The following TEKT5 variants were observed in gnomAD, a reference collection of about 807,000 sequenced individuals.
TEKT5 encodes the protein tektin 5, also known as tektin-5.
TEKT5 carries 52 observed loss-of-function variants against 48.7 expected under a neutral mutation model. The observed-to-expected ratio is 1.07, with a 90% CI of 0.86 to 1.35. The LOEUF (loss-of-function observed/expected upper bound fraction) is 1.35, where lower values mean the gene tolerates loss of function less well. TEKT5 is among the 40% of genes most tolerant of loss of function. The probability of loss-of-function intolerance (pLI) is 0.00; values close to 1 mark genes in which losing one functional copy is unlikely to be tolerated. For synonymous variants in TEKT5, 318 were observed against 267.6 expected (o/e 1.19, Z -1.84); for missense variants, 831 against 641.6 (o/e 1.30, Z -3.19).
Position 10,688,000 on chromosome 16 carries a change from A to G in TEKT5, c.719+1253T>C, listed in dbSNP as rs144981690. ...ACAAACATTCCCATTTATACTCTTTAAGTTATTTTTAAATGTGCAATAAAT... is the reference window on the plus strand; with the variant it reads ...ACAAACATTCCCATTTATACTCTTTGAGTTATTTTTAAATGTGCAATAAAT... On this transcript the variant is annotated intron_variant, in intron 3 of 6. Transcript: ENST00000283025. 1.5e-3 allele frequency among the ~76,000 whole-genome samples: 234 copies of G among 151,932 alleles called. 1 individual carries two copies. Among genetic ancestry groups the G allele is most frequent in the African/African-American group, 5.3e-3 (221 of 41,530 alleles).
chr16:10,645,082 T>C (rs1898050806), intron 5 of TEKT5, among the ~76,000 whole-genome samples: 1 of 152,206 alleles, frequency 6.6e-6, no homozygotes, highest in Non-Finnish European at 1.5e-5. Flanking sequence ...CTTGGACTTT[T>C]AGCCTCCAGA....
chr16:10,652,717 A>C (rs1898183927), intron 5 of TEKT5, among the ~76,000 whole-genome samples: 1 of 99,350 alleles, frequency 1.0e-5, no homozygotes, highest in East Asian at 3.8e-4. Flanking sequence ...ACACACACAC[A>C]CACACACCCT....
At chr16:10,670,573 G>T (rs1034526166) in intron 5 of TEKT5, among the ~76,000 whole-genome samples, 1 of 152,166 alleles carries the variant, frequency 6.6e-6, no homozygotes, top group Non-Finnish European at 1.5e-5. Context: ...GTTGAAAAGT[G>T]AAATGGTTGC....
At chr16:10,628,510 A>G (rs891867151) in intron 6 of TEKT5, among the ~76,000 whole-genome samples, 1 of 152,224 alleles carries the variant, frequency 6.6e-6, no homozygotes, top group African/African-American at 2.4e-5. Flanking sequence ...CACGATAACC[A>G]AAAGGTGGAA....
chr16:10,637,985 A>AT (rs1567224843), intron 5 of TEKT5, among the ~76,000 whole-genome samples: 1 of 151,934 alleles, frequency 6.6e-6, no homozygotes, highest in Non-Finnish European at 1.5e-5. Context: ...TAATTGTTTA[A>AT]TTTTTTTCAA....
intron 5 of TEKT5, among the ~76,000 whole-genome samples, chr16:10,669,191 C>T (rs4780977): frequency 0.34 from 51,778 of 151,832 alleles, 10,015 homozygotes; most frequent in East Asian, 0.54. Flanking sequence ...GGTGAGGCCA[C>T]GTACGGTAGC....
rs546622909 is a variant in TEKT5 at position 10,638,328 on chromosome 16, C to G, written c.1087-2410G>C. 3.9e-5 allele frequency among the ~76,000 whole-genome samples: 6 copies of G among 152,348 alleles called. No individual in the cohort carries two copies. In the South Asian group the frequency reaches 1.2e-3, roughly 32 times the overall value. ...CCGTGACTGAAACATCCACTCTCTA[C>G]CCTATTGTCACCCAGTGGCCCTTGA... On this transcript the variant is annotated intron_variant, in intron 5 of 6. Coordinates refer to ENST00000283025, the MANE Select transcript of TEKT5 (RefSeq NM_144674.2).
intron 5 of TEKT5, among the ~76,000 whole-genome samples, chr16:10,667,593 G>A (rs981808985): frequency 4.6e-5 from 7 of 152,150 alleles, no homozygotes; most frequent in African/African-American, 1.2e-4. Context: ...CCCAATTCAC[G>A]AATCATTCTT....
Position 10,658,032 on chromosome 16 carries a change from T to G in TEKT5, c.1086+17927A>C, listed in dbSNP as rs142613104. 2.0e-5 allele frequency among the ~76,000 whole-genome samples: 3 copies of G among 152,332 alleles called. No individual in the cohort carries two copies. In the East Asian group the frequency reaches 5.8e-4, roughly 29 times the overall value. On this transcript the variant is annotated intron_variant, in intron 5 of 6. Coordinates refer to ENST00000283025, the MANE Select transcript of TEKT5 (RefSeq NM_144674.2). The stretch of plus-strand genomic sequence containing the variant: ...CACTATAATCTAATTTAGAACACTT[T>G]CATTACTCACCCACAAAAGAAACTT...
intron 5 of TEKT5, among the ~76,000 whole-genome samples, chr16:10,641,376 C>T (rs1297081716): frequency 1.3e-5 from 2 of 152,120 alleles, no homozygotes; most frequent in African/African-American, 4.8e-5. Context: ...CAAGCACCAG[C>T]CACTGAGACG....
chr16:10,635,111 G>C (rs142086471), intron 6 of TEKT5, among the ~76,000 whole-genome samples: 1 of 152,158 alleles, frequency 6.6e-6, no homozygotes, highest in African/African-American at 2.4e-5. Flanking sequence ...ACGTTCATGG[G>C]AAATAATCCC....
chr16:10,642,777 A>G (rs1479045050), intron 5 of TEKT5, among the ~76,000 whole-genome samples: 1 of 152,208 alleles, frequency 6.6e-6, no homozygotes, highest in Non-Finnish European at 1.5e-5. Context: ...TGCAGAAGCT[A>G]AAGTGTTGAT....
chr16:10,682,892 T>A (rs1395113287), intron 3 of TEKT5, among the ~76,000 whole-genome samples: 1 of 152,214 alleles, frequency 6.6e-6, no homozygotes, highest in Admixed American at 6.5e-5. Flanking sequence ...CAAAGCCTGA[T>A]GCAAGTCAAA....
At position 10,694,397 on chromosome 16, in the gene TEKT5, C is replaced by T; in HGVS notation, c.477G>A (p.Leu159=). ...TCTGGTTCTCAGTCAGAAGCCTGTC[C>T]AGCTCATAGCTCAGCTCTGACTTCC... ...GFWKSELSYE[L]DRLLTENQNL... is the part of the protein sequence containing the mutation. Residue 159 remains leucine (L), a synonymous_variant, in exon 1 of 7, where the codon CTG becomes CTA. Transcript: ENST00000283025. The T allele has an allele frequency of 6.2e-7, 1 of 1,614,134 alleles. No homozygotes were observed. The highest frequency in any genetic ancestry group is 8.5e-7 in the Non-Finnish European group (1 of 1,180,024).
intron 5 of TEKT5, among the ~76,000 whole-genome samples, chr16:10,672,211 A>T (rs2142297121): frequency 6.6e-6 from 1 of 152,254 alleles, no homozygotes; most frequent in East Asian, 1.9e-4. Flanking sequence ...TTGCATGAAA[A>T]AAAGAAAAAG....
chr16:10,639,261 C>G (rs540917352), intron 5 of TEKT5, among the ~76,000 whole-genome samples: 3 of 151,640 alleles, frequency 2.0e-5, no homozygotes, highest in Non-Finnish European at 4.4e-5. Flanking sequence ...GAGCTATGAT[C>G]GCACCACTGC....
intron 5 of TEKT5, among the ~76,000 whole-genome samples, chr16:10,652,219 C>T (rs982820369): frequency 6.6e-6 from 1 of 152,066 alleles, no homozygotes; most frequent in Non-Finnish European, 1.5e-5. Flanking sequence ...TTCACTGCCT[C>T]GGCACACAGA....
In TEKT5 at chr16:10,654,157, C is replaced by A. The variant is rs554425471; in HGVS notation, c.1087-18239G>T. Among the ~76,000 whole-genome samples, 10 of 152,174 alleles carry A rather than the reference C, an allele frequency of 6.6e-5. No homozygotes were observed. The South Asian group carries it at 2.1e-3, about 32-fold the overall frequency. On this transcript the variant is annotated intron_variant, in intron 5 of 6. Coordinates refer to ENST00000283025, the MANE Select transcript of TEKT5 (RefSeq NM_144674.2). ...CCTCAACATCCCAGGCTCAAGGGAT[C>A]CTCCCACTTCAGACTCCCGAGTTGC...
intron 5 of TEKT5, among the ~76,000 whole-genome samples, chr16:10,636,362 C>T (rs927376464): frequency 3.5e-5 from 5 of 141,946 alleles, no homozygotes; most frequent in Admixed American, 7.6e-5. Context: ...GGGACAAGAG[C>T]GAGACTTTGT....
Sources: gnomAD v4.1 joint callset for allele counts (sites outside exome capture counted in the v4.1 genomes callset) on GRCh38, gnomAD v4.1.1 for gene constraint, MANE v1.5 for transcripts, NCBI Gene and HGNC (gene_info 2026-07-23, HGNC 2026-07-21) for gene names.